SMOC1: variants seen among roughly 807,000 people sequenced by gnomAD.
The protein encoded by SMOC1 is SPARC-related modular calcium-binding protein 1.
A neutral mutation model predicts 56.3 loss-of-function variants in SMOC1; 22 were observed. The observed-to-expected ratio is 0.39, with a 90% CI of 0.28 to 0.56. SMOC1 has a LOEUF of 0.56. Ranked by LOEUF, SMOC1 falls within the 20% of genes least tolerant of loss-of-function variation. The pLI, the probability that SMOC1 is intolerant of heterozygous loss-of-function variation, is 0.61. For synonymous variants in SMOC1, 193 were observed against 215.0 expected (o/e 0.90, Z 0.89); for missense variants, 509 against 565.4 (o/e 0.90, Z 1.01).
At chr14:69,978,212 C>A (rs1884040791) in intron 5 of SMOC1, 1 of 551,454 alleles carries the variant, frequency 1.8e-6, no homozygotes, top group African/African-American at 1.9e-5. Context: ...CTGGGAAGCA[C>A]CTTTAGAATG....
intron 1 of SMOC1, 84 bp from the exon 2 acceptor site, chr14:69,952,054 C>A: frequency 6.7e-7 from 1 of 1,491,686 alleles, no homozygotes; most frequent in Non-Finnish European, 9.3e-7. Flanking sequence ...TTTCTAAAGG[C>A]AAACAAGTAC....
At chr14:69,990,926 A>C (rs1454386350) in intron 5 of SMOC1, among the ~76,000 whole-genome samples, 1 of 152,146 alleles carries the variant, frequency 6.6e-6, no homozygotes, top group African/African-American at 2.4e-5. Flanking sequence ...CTCAGCCTCT[A>C]ACAAGGGTTA....
At chr14:70,019,136 A>G (rs1885624126) in intron 10 of SMOC1, among the ~76,000 whole-genome samples, 1 of 152,224 alleles carries the variant, frequency 6.6e-6, no homozygotes, top group Non-Finnish European at 1.5e-5. Flanking sequence ...GGAGAAGTGT[A>G]GCCTATGCCA....
At chr14:69,925,227 A>G (rs1485063495) in intron 1 of SMOC1, among the ~76,000 whole-genome samples, 1 of 54,616 alleles carries the variant, frequency 1.8e-5, no homozygotes, top group Non-Finnish European at 3.4e-5. Context: ...AGGGATGCTA[A>G]GGGAGGAGGG....
chr14:69,955,679 A>G (rs1343139828), intron 3 of SMOC1, among the ~76,000 whole-genome samples: 2 of 118,370 alleles, frequency 1.7e-5, no homozygotes, highest in Non-Finnish European at 3.4e-5. Flanking sequence ...ATACCACTAT[A>G]CCGCTTAAGA....
intron 1 of SMOC1, among the ~76,000 whole-genome samples, chr14:69,880,808 T>C (rs1462648689): frequency 6.6e-6 from 1 of 152,254 alleles, no homozygotes; most frequent in Non-Finnish European, 1.5e-5. Flanking sequence ...TTGAACATCC[T>C]TGGGCCTGGC....
At chr14:70,018,895 C>T (rs536514961) in intron 10 of SMOC1, among the ~76,000 whole-genome samples, 4 of 152,342 alleles carry the variant, frequency 2.6e-5, no homozygotes, top group African/African-American at 4.8e-5. Context: ...GCACAGCTGG[C>T]GGGGCCTGGA....
At chr14:69,976,955 T>G (rs1311259266) in intron 4 of SMOC1, among the ~76,000 whole-genome samples, 2 of 152,148 alleles carry the variant, frequency 1.3e-5, no homozygotes, top group African/African-American at 4.8e-5. Context: ...AAAGGGAAGT[T>G]TACTTTATTT....
At chr14:69,979,387 C>A (rs1241423402) in intron 5 of SMOC1, among the ~76,000 whole-genome samples, 2 of 152,118 alleles carry the variant, frequency 1.3e-5, no homozygotes, top group Non-Finnish European at 2.9e-5. Context: ...TTTCCCTGGG[C>A]AAAAATGAGA....
Position 70,023,441 on chromosome 14 carries a change from AAAG to A in SMOC1, c.1289_1291del (p.Glu430del), listed in dbSNP as rs1332174818. On this transcript the variant is annotated inframe_deletion, in exon 11 of 12. Coordinates refer to ENST00000361956, the MANE Select transcript of SMOC1 (RefSeq NM_001034852.3). ...GCTGAAGGGCTGCCTGGGTGTTAGC[AAAG>A]AAGGTGAGTGCTCTCCCCTGTGCTC... 1 of 1,613,880 alleles carries A rather than the reference AAAG, an allele frequency of 6.2e-7. No homozygotes were observed. Among genetic ancestry groups the A allele is most frequent in the Admixed American group, 1.7e-5 (1 of 60,028 alleles).
rs77498272 is a variant in SMOC1, at chr14:70,030,379, A to G, written c.*121A>G. 1,927 of 1,281,448 alleles carry G rather than the reference A, an allele frequency of 1.5e-3. 4 individuals are homozygous for G. Among genetic ancestry groups the G allele is most frequent in the Non-Finnish European group, 1.9e-3 (1,760 of 905,356 alleles). 79.4% of individuals were successfully genotyped at this position (1,281,448 alleles called of 1,614,324 possible). A position where few individuals can be genotyped will look rare whatever the true frequency, so the allele number is the denominator to read the frequency against. ...CCGTGTAACATAAGTGGTGCCCACC[A>G]TGTTTGCACTTTTAATAACTCTTAC... On this transcript the variant is annotated 3_prime_UTR_variant, in exon 12 of 12. Transcript: ENST00000361956.
At chr14:69,962,665 C>T (rs1215649395) in intron 3 of SMOC1, among the ~76,000 whole-genome samples, 6 of 152,070 alleles carry the variant, frequency 3.9e-5, no homozygotes. Flanking sequence ...CAACCTCGGC[C>T]TCTTGGGCTC....
intron 1 of SMOC1, among the ~76,000 whole-genome samples, chr14:69,947,934 T>TA (rs1882850832): frequency 6.6e-6 from 1 of 152,218 alleles, no homozygotes; most frequent in Non-Finnish European, 1.5e-5. Context: ...GTCTTCCTCT[T>TA]ATTGCCTTTA....
intron 1 of SMOC1, among the ~76,000 whole-genome samples, chr14:69,912,680 A>G (rs1319866046): frequency 6.6e-6 from 1 of 152,150 alleles, no homozygotes; most frequent in African/African-American, 2.4e-5. Context: ...TGCTTTCTCA[A>G]GGTCACAAGA....
chr14:69,934,207 C>G (rs1885239796), intron 1 of SMOC1, among the ~76,000 whole-genome samples: 1 of 152,136 alleles, frequency 6.6e-6, no homozygotes, highest in African/African-American at 2.4e-5. Context: ...GAGGACCTTC[C>G]CAAGCAGCAC....
chr14:69,887,858 G>A (rs1332060984), intron 1 of SMOC1, among the ~76,000 whole-genome samples: 1 of 152,168 alleles, frequency 6.6e-6, no homozygotes, highest in Admixed American at 6.5e-5. Flanking sequence ...TTTGCCAGTG[G>A]GGCCTGTGGG....
chr14:69,967,544 C>T (rs1352671749), intron 3 of SMOC1, among the ~76,000 whole-genome samples: 2 of 151,896 alleles, frequency 1.3e-5, no homozygotes, highest in Non-Finnish European at 2.9e-5. Context: ...TCCAGTGTGG[C>T]CCAGGGAAGC....
chr14:69,996,402 T>C (rs1884767162), intron 7 of SMOC1, among the ~76,000 whole-genome samples: 1 of 152,236 alleles, frequency 6.6e-6, no homozygotes. Context: ...TCCTGAGTCA[T>C]AGCTAGGGAG....
chr14:69,946,399 A>T lies in SMOC1; in HGVS notation c.100-5739A>T, dbSNP rs577888410. 3.8e-3 allele frequency among the ~76,000 whole-genome samples: 581 copies of T among 152,350 alleles called. 4 individuals carry two copies. Among genetic ancestry groups the T allele is most frequent in the Middle Eastern group, 6.8e-3 (2 of 294 alleles). On this transcript the variant is annotated intron_variant, in intron 1 of 11. Coordinates refer to ENST00000361956, the MANE Select transcript of SMOC1 (RefSeq NM_001034852.3). ...GAGTGTTTGGAGTCATCCACTCTGC[A>T]AGGAGAATGGGTAGGAGAGACGACT...
Sources: gnomAD v4.1 joint callset for allele counts (sites outside exome capture counted in the v4.1 genomes callset) on GRCh38, gnomAD v4.1.1 for gene constraint, MANE v1.5 for transcripts, NCBI Gene and HGNC (gene_info 2026-07-23, HGNC 2026-07-21) for gene names.